Variants in PRORP observed in about 807,000 individuals in gnomAD.
PRORP encodes the protein protein only RNase P catalytic subunit.
In PRORP, 51 loss-of-function variants were observed where a neutral mutation model predicts 59.4. The observed-to-expected ratio is 0.86, with a 90% CI of 0.69 to 1.08. PRORP has a LOEUF of 1.08. Ranked by LOEUF, PRORP falls within the 50% of genes least tolerant of loss-of-function variation. The pLI, the probability that PRORP is intolerant of heterozygous loss-of-function variation, is 0.00. For missense variants in PRORP, 646 were observed against 690.3 expected (o/e 0.94, Z 0.72); for synonymous variants, 231 against 245.6 (o/e 0.94, Z 0.55).
intron 4 of PRORP, among the ~76,000 whole-genome samples, chr14:35,162,571 T>G (rs2048087658): frequency 6.6e-6 from 1 of 151,418 alleles, no homozygotes; most frequent in African/African-American, 2.4e-5. Context: ...GAGCTCTTTA[T>G]TTGAAAAATC....
At chr14:35,167,881 A>G (rs1346546732) in intron 4 of PRORP, among the ~76,000 whole-genome samples, 1 of 152,254 alleles carries the variant, frequency 6.6e-6, no homozygotes, top group African/African-American at 2.4e-5. Flanking sequence ...AAAACTTTGC[A>G]TAAAAAGTAG....
At chr14:35,259,326 C>G (rs999117812) in intron 5 of PRORP, among the ~76,000 whole-genome samples, 16 of 152,052 alleles carry the variant, frequency 1.1e-4, no homozygotes, top group African/African-American at 3.6e-4. Flanking sequence ...TACTTTCCAC[C>G]AGTCTATTTG....
At chr14:35,210,738 CTTTTCTTTTGCCTTTTTTTT>C (rs1441243994) in intron 5 of PRORP, among the ~76,000 whole-genome samples, 3 of 51,164 alleles carry the variant, frequency 5.9e-5, no homozygotes, top group African/African-American at 2.1e-4. Context: ...TCCTTTTCTT[CTTTTCTTTTGCCTTTTTTTT>C]TTTTTTTTTT....
In PRORP at chr14:35,123,473, G is replaced by A. The variant is rs45583337; in HGVS notation, c.228G>A (p.Lys76=). The part of the protein sequence containing the change: ...RYLRKDEGSN[K]QVYSVPHFFL... Reference sequence around the variant, plus strand: ...TCAGGAAAGATGAGGGCAGTAATAAGCAAGTTTATTCTGTTCCTCATTTTT... The same window carrying A: ...TCAGGAAAGATGAGGGCAGTAATAAACAAGTTTATTCTGTTCCTCATTTTT... The change falls in exon 2 of 8, where the codon AAG becomes AAA. Residue 76 remains lysine, a synonymous_variant. Transcript: ENST00000534898. 6,544 of 1,614,150 alleles carry A rather than the reference G, an allele frequency of 4.1e-3. 15 individuals carry two copies. The highest frequency in any genetic ancestry group is 4.9e-3 in the Non-Finnish European group (5,796 of 1,180,026).
At chr14:35,142,081 G>T (rs775339820) in intron 4 of PRORP, among the ~76,000 whole-genome samples, 2 of 145,000 alleles carry the variant, frequency 1.4e-5, no homozygotes, top group Non-Finnish European at 3.1e-5. Flanking sequence ...GTTTCACCAT[G>T]TTGGCCAGGC....
intron 5 of PRORP, among the ~76,000 whole-genome samples, chr14:35,195,784 A>G (rs2048994000): frequency 6.6e-6 from 1 of 152,120 alleles, no homozygotes; most frequent in Admixed American, 6.5e-5. Context: ...GAAACTTAGG[A>G]AACTGGAACT....
At chr14:35,229,838 T>C (rs2050028121) in intron 5 of PRORP, among the ~76,000 whole-genome samples, 1 of 152,212 alleles carries the variant, frequency 6.6e-6, no homozygotes, top group African/African-American at 2.4e-5. Flanking sequence ...TCACTCATGA[T>C]GTTTCCATTG....
intron 5 of PRORP, among the ~76,000 whole-genome samples, chr14:35,216,404 G>A (rs1375450377): frequency 6.6e-6 from 1 of 151,470 alleles, no homozygotes; most frequent in African/African-American, 2.4e-5. Flanking sequence ...CAACCTCCTG[G>A]GCTCAAGCAA....
intron 4 of PRORP, among the ~76,000 whole-genome samples, chr14:35,145,262 T>C (rs2047576969): frequency 6.9e-6 from 1 of 145,012 alleles, no homozygotes; most frequent in Admixed American, 7.2e-5. Context: ...CGTGAGCTAC[T>C]GCACCTGGTG....
intron 5 of PRORP, among the ~76,000 whole-genome samples, chr14:35,259,474 A>G (rs1254513956): frequency 6.6e-6 from 1 of 152,052 alleles, no homozygotes; most frequent in African/African-American, 2.4e-5. Context: ...GTTAGGGCTT[A>G]TATTTGCCAT....
intron 5 of PRORP, among the ~76,000 whole-genome samples, chr14:35,246,937 C>G (rs1291039442): frequency 6.6e-6 from 1 of 152,108 alleles, no homozygotes; most frequent in South Asian, 2.1e-4. Context: ...GTCCCGATTG[C>G]GTAGTAATAG....
At chr14:35,196,299 A>AC (rs956047169) in intron 5 of PRORP, among the ~76,000 whole-genome samples, 9 of 152,108 alleles carry the variant, frequency 5.9e-5, no homozygotes, top group Middle Eastern at 3.4e-3. Context: ...ACATAGTGAG[A>AC]CCCCCCTGCC....
intron 5 of PRORP, among the ~76,000 whole-genome samples, chr14:35,201,715 G>A (rs542586896): frequency 2.7e-4 from 40 of 148,720 alleles, no homozygotes; most frequent in Middle Eastern, 3.9e-3. Flanking sequence ...CGATCTTGCA[G>A]TGGTGCGATC....
In PRORP at chr14:35,172,135, G is replaced by A. The variant is rs564330389; in HGVS notation, c.1168-8535G>A. Among the ~76,000 whole-genome samples the A allele has an allele frequency of 1.6e-4, 24 of 147,530 alleles. No homozygotes were observed. The East Asian group carries it at 3.6e-3, about 22-fold the overall frequency. Reference sequence around the variant, plus strand: ...ATAATCTTGGCTCACTGCAACCTTCGCCTCCCAGGTTCAAGTGATTCTCCT... The same window carrying A: ...ATAATCTTGGCTCACTGCAACCTTCACCTCCCAGGTTCAAGTGATTCTCCT... On this transcript the variant is annotated intron_variant, in intron 4 of 7. Transcript: ENST00000534898.
rs1319182130 is a variant in PRORP, at chr14:35,172,523, CCTCTCTCT to C, written c.1168-8145_1168-8138del. 3.6e-3 allele frequency among the ~76,000 whole-genome samples: 451 copies of C among 126,788 alleles called. 6 individuals carry two copies. The highest frequency in any genetic ancestry group is 0.013 in the African/African-American group (432 of 34,110). 83.2% of individuals were successfully genotyped at this position (126,788 alleles called of 152,430 possible). ...CCCTCTCTCCCTCTCTCCCTCTCTC[CCTCTCTCT>C]CCTGTCCTCTCCTCTCCTCTTTCTT... On this transcript the variant is annotated intron_variant, in intron 4 of 7. Transcript: ENST00000534898.
At chr14:35,173,352 T>C (rs962156220) in intron 4 of PRORP, among the ~76,000 whole-genome samples, 2 of 152,214 alleles carry the variant, frequency 1.3e-5, no homozygotes, top group Non-Finnish European at 2.9e-5. Context: ...GCTGTTAAAC[T>C]TCTTTAGACT....
chr14:35,140,781 C>CT (rs1343398513), intron 4 of PRORP, among the ~76,000 whole-genome samples: 1 of 145,586 alleles, frequency 6.9e-6, no homozygotes, highest in Non-Finnish European at 1.5e-5. Context: ...TTTGAGGAAA[C>CT]TTAAAGTATG....
intron 5 of PRORP, among the ~76,000 whole-genome samples, chr14:35,238,861 A>T (rs1367647953): frequency 6.6e-6 from 1 of 152,228 alleles, no homozygotes; most frequent in Non-Finnish European, 1.5e-5. Context: ...ACAAGGCTAT[A>T]TATAAATGTA....
chr14:35,146,454 T>C lies in PRORP; in HGVS notation c.1167+18843T>C, dbSNP rs1335054724. ...TAGGTCTTTAGGGATTTTTTTTTCT[T>C]TATTTGGTTACAAACTGAAAGATGT... On this transcript the variant is annotated intron_variant, in intron 4 of 7. Transcript: ENST00000534898. Among the ~76,000 whole-genome samples the C allele has an allele frequency of 5.3e-5, 8 of 152,160 alleles. 1 individual carries two copies. Among genetic ancestry groups the C allele is most frequent in the Non-Finnish European group, 1.2e-4 (8 of 68,036 alleles).
Sources: gnomAD v4.1 joint callset for allele counts (sites outside exome capture counted in the v4.1 genomes callset) on GRCh38, gnomAD v4.1.1 for gene constraint, MANE v1.5 for transcripts, NCBI Gene and HGNC (gene_info 2026-07-23, HGNC 2026-07-21) for gene names.